The following RYR2 variants were observed in gnomAD, a reference collection of about 807,000 sequenced individuals.
The protein encoded by RYR2 is cardiac muscle ryanodine receptor-calcium release channel.
In RYR2, 227 loss-of-function variants were observed where a neutral mutation model predicts 601.1. The observed-to-expected ratio is 0.38, with a 90% CI of 0.34 to 0.42. The LOEUF (loss-of-function observed/expected upper bound fraction) is 0.42, where lower values mean the gene tolerates loss of function less well. Ranked by LOEUF, RYR2 falls within the 10% of genes least tolerant of loss-of-function variation. The pLI, the probability that RYR2 is intolerant of heterozygous loss-of-function variation, is 1.00. For missense variants in RYR2, 4,646 were observed against 6,156.5 expected (o/e 0.75, Z 8.21); for synonymous variants, 2,223 against 2,175.1 (o/e 1.02, Z -0.61).
At chr1:237,069,294 A>C (rs1049039410) in intron 1 of RYR2, among the ~76,000 whole-genome samples, 1 of 152,166 alleles carries the variant, frequency 6.6e-6, no homozygotes, top group Admixed American at 6.5e-5. Context: ...ACTTAAAGAG[A>C]GCAATTTTCA....
At chr1:237,155,179 C>T (rs140278610) in intron 1 of RYR2, among the ~76,000 whole-genome samples, 20 of 127,578 alleles carry the variant, frequency 1.6e-4, no homozygotes, top group East Asian at 8.9e-4. Flanking sequence ...TTTTTCTTTT[C>T]TTTTTTTTTT....
At chr1:237,532,706 C>A (rs986329346) in intron 25 of RYR2, among the ~76,000 whole-genome samples, 2 of 152,096 alleles carry the variant, frequency 1.3e-5, no homozygotes, top group African/African-American at 4.8e-5. Context: ...CAGCATAATA[C>A]ATTTAATCAA....
chr1:237,518,123 A>G (rs1481329971), intron 24 of RYR2, among the ~76,000 whole-genome samples: 3 of 152,206 alleles, frequency 2.0e-5, no homozygotes, highest in East Asian at 1.9e-4. Flanking sequence ...CTATCACCAC[A>G]TCATCAACTC....
At chr1:237,665,028 G>T (rs747167065) in intron 56 of RYR2, among the ~76,000 whole-genome samples, 2 of 152,136 alleles carry the variant, frequency 1.3e-5, no homozygotes, top group Non-Finnish European at 2.9e-5. Context: ...TTTGTGTCAG[G>T]CACTTTGCTA....
rs1332557949 is a variant in RYR2, at chr1:237,193,797, AC to A, written c.49-76699del. Among the ~76,000 whole-genome samples, 7 of 152,320 alleles carry A rather than the reference AC, an allele frequency of 4.6e-5. No homozygotes were observed. The East Asian group carries it at 1.2e-3, about 25-fold the overall frequency. ...CACAAATATGATATAAAACTATAAAACAAAAATATTGATAGCAAGACTTTGA... is the reference window on the plus strand; with the variant it reads ...CACAAATATGATATAAAACTATAAAAAAAAATATTGATAGCAAGACTTTGA... On this transcript the variant is annotated intron_variant, in intron 1 of 104. Transcript: ENST00000366574.
intron 27 of RYR2, 99 bp downstream of exon 27, chr1:237,550,790 C>T: frequency 7.8e-7 from 1 of 1,286,452 alleles, no homozygotes; most frequent in Non-Finnish European, 1.0e-6. Flanking sequence ...GGATAGAGTC[C>T]TCTAGTCTAG....
intron 62 of RYR2, among the ~76,000 whole-genome samples, chr1:237,684,473 AAG>A (rs1686188317): frequency 6.6e-6 from 1 of 152,122 alleles, no homozygotes; most frequent in African/African-American, 2.4e-5. Flanking sequence ...AGAAACAGGG[AAG>A]AGAGAAAGTC....
At chr1:237,530,579 T>G in intron 25 of RYR2, 69 bp downstream of exon 25, 5 of 1,162,762 alleles carry the variant, frequency 4.3e-6, no homozygotes, top group Non-Finnish European at 3.8e-6. Flanking sequence ...TAACTCTTGA[T>G]GGACACACAG....
In RYR2 at chr1:237,791,408, CATA is replaced by C. The variant is rs1553326681; in HGVS notation, c.13477-18_13477-16del. 1.5e-6 allele frequency: 2 copies of C among 1,355,132 alleles called. No individual in the cohort carries two copies. Among genetic ancestry groups the C allele is most frequent in the Admixed American group, 1.9e-5 (1 of 51,832 alleles). The allele number at this position is 1,355,132 out of a possible 1,614,324, so 83.9% of individuals were successfully genotyped here. A position where few individuals can be genotyped will look rare whatever the true frequency, so the allele number is the denominator to read the frequency against. ...AAGCCTGTTGATTCAGTGACCTTTTCATAATGTTTTTCACCCTCAGAACTATTT... is the reference window on the plus strand; with the variant it reads ...AAGCCTGTTGATTCAGTGACCTTTTCATGTTTTTCACCCTCAGAACTATTT... On this transcript the variant is annotated intron_variant, in intron 92 of 104. Transcript: ENST00000366574.
chr1:237,307,492 A>G (rs1325651567), intron 2 of RYR2, among the ~76,000 whole-genome samples: 4 of 152,260 alleles, frequency 2.6e-5, no homozygotes, highest in African/African-American at 4.8e-5. Flanking sequence ...AATTTTTACA[A>G]TAATTCTGTA....
chr1:237,696,797 A>G (rs1388591312), intron 63 of RYR2, among the ~76,000 whole-genome samples: 1 of 151,962 alleles, frequency 6.6e-6, no homozygotes, highest in Non-Finnish European at 1.5e-5. Flanking sequence ...TTCAATCCAT[A>G]AGTAAATCCT....
At chr1:237,703,151 T>C (rs1459862771) in intron 66 of RYR2, among the ~76,000 whole-genome samples, 1 of 152,024 alleles carries the variant, frequency 6.6e-6, no homozygotes, top group Non-Finnish European at 1.5e-5. Context: ...TTTGGAATTA[T>C]AGGTCAAAGG....
intron 21 of RYR2, 54 bp from the exon 22 acceptor site, chr1:237,503,235 A>G: frequency 6.8e-7 from 1 of 1,480,490 alleles, no homozygotes. Context: ...TGTGAATTAG[A>G]AAACTTTAAT....
At chr1:237,518,967 A>G (rs1666829218) in intron 24 of RYR2, among the ~76,000 whole-genome samples, 1 of 152,160 alleles carries the variant, frequency 6.6e-6, no homozygotes, top group Non-Finnish European at 1.5e-5. Flanking sequence ...AGCCATTCTG[A>G]CTGGTGTAGG....
At chr1:237,338,822 A>C (rs1291613443) in intron 3 of RYR2, among the ~76,000 whole-genome samples, 1 of 152,182 alleles carries the variant, frequency 6.6e-6, no homozygotes, top group Non-Finnish European at 1.5e-5. Context: ...TGTCCACGCT[A>C]GTTGAGTTTT....
intron 17 of RYR2, among the ~76,000 whole-genome samples, chr1:237,474,339 C>A (rs900578457): frequency 3.3e-5 from 5 of 151,126 alleles, no homozygotes; most frequent in African/African-American, 1.2e-4. Flanking sequence ...ATACCCCTAC[C>A]TGTTGGGCAA....
At chr1:237,453,226 C>G (rs1222007833) in intron 14 of RYR2, among the ~76,000 whole-genome samples, 1 of 151,972 alleles carries the variant, frequency 6.6e-6, no homozygotes, top group Admixed American at 6.6e-5. Context: ...GGCGATAAAA[C>G]TTGGGGGTAG....
intron 1 of RYR2, among the ~76,000 whole-genome samples, chr1:237,218,585 T>C (rs1683439346): frequency 6.6e-6 from 1 of 152,170 alleles, no homozygotes; most frequent in African/African-American, 2.4e-5. Flanking sequence ...AAAATTTCTT[T>C]CAACTTTAGT....
intron 1 of RYR2, among the ~76,000 whole-genome samples, chr1:237,160,984 A>G (rs1675948838): frequency 6.6e-6 from 1 of 152,170 alleles, no homozygotes. Context: ...GGCCCACGGC[A>G]GTTGTTTTCT....
Sources: allele counts gnomAD v4.1 joint callset (sites outside exome capture counted in the v4.1 genomes callset), GRCh38; gene constraint gnomAD v4.1.1; transcripts MANE v1.5; gene names NCBI Gene and HGNC (gene_info 2026-07-23, HGNC 2026-07-21).